SLX4IP: variants seen among roughly 807,000 people sequenced by gnomAD.
SLX4IP encodes the protein SLX4 interacting protein.
A neutral mutation model predicts 32.9 loss-of-function variants in SLX4IP; 34 were observed. The ratio of observed to expected loss-of-function variants is 1.03; its 90% confidence interval spans 0.79 to 1.38. The LOEUF (loss-of-function observed/expected upper bound fraction) is 1.38, where lower values mean the gene tolerates loss of function less well. Among genes scored for constraint, SLX4IP ranks in the 40% most tolerant of loss-of-function variants. The pLI, the probability that SLX4IP is intolerant of heterozygous loss-of-function variation, is 0.00. For synonymous variants in SLX4IP, 172 were observed against 171.7 expected, an observed-to-expected ratio of 1.00 and a Z score of -0.01; for missense variants, 444 against 479.0, an observed-to-expected ratio of 0.93 and a Z score of 0.68.
rs975383668 is a variant in SLX4IP at position 10,627,128 on chromosome 20, C to T, written c.*3749C>T. On this transcript the variant is annotated 3_prime_UTR_variant, in exon 8 of 8. Coordinates refer to ENST00000334534, the MANE Select transcript of SLX4IP (RefSeq NM_001009608.3). ...GACCTTACTGTAATATTACACAAAA[C>T]TGTAATGAGTGGCCCTCCTTTGGAG... is the stretch of plus-strand genomic sequence containing the variant. 1 of 152,206 alleles carries T rather than the reference C, an allele frequency of 6.6e-6. No homozygotes were observed. Among genetic ancestry groups the T allele is most frequent in the African/African-American group, 2.4e-5 (1 of 41,450 alleles). The allele number at this position is 152,206 out of a possible 1,614,324, so 9.4% of individuals were successfully genotyped here.
chr20:10,614,009 AC>A, intron 6 of SLX4IP: 1 of 1,307,044 alleles, frequency 7.7e-7, no homozygotes, highest in East Asian at 2.3e-5. Flanking sequence ...GTTCTCTGTC[AC>A]CGAGAATGGA....
At chr20:10,529,682 C>T (rs868291505) in intron 2 of SLX4IP, among the ~76,000 whole-genome samples, 1 of 149,230 alleles carries the variant, frequency 6.7e-6, no homozygotes, top group East Asian at 2.0e-4. Flanking sequence ...AATTCCATAT[C>T]TCTAAGAAAG....
chr20:10,458,275 T>C, intron 2 of SLX4IP, 44 bp downstream of exon 2: 1 of 1,514,292 alleles, frequency 6.6e-7, no homozygotes, highest in South Asian at 1.2e-5. Flanking sequence ...CTAATCACTT[T>C]CTAATATAAC....
chr20:10,514,408 C>A (rs1436286694), intron 2 of SLX4IP, among the ~76,000 whole-genome samples: 1 of 152,174 alleles, frequency 6.6e-6, no homozygotes, highest in Non-Finnish European at 1.5e-5. Context: ...TGGCTAAATT[C>A]TTTCCTCTTG....
chr20:10,516,305 A>G (rs569993896), intron 2 of SLX4IP, among the ~76,000 whole-genome samples: 7 of 152,326 alleles, frequency 4.6e-5, no homozygotes, highest in South Asian at 4.1e-4. Context: ...CTTTGAGGAA[A>G]GGTTTAGTTT....
intron 2 of SLX4IP, among the ~76,000 whole-genome samples, chr20:10,531,229 G>A (rs1046851560): frequency 6.6e-6 from 1 of 152,174 alleles, no homozygotes; most frequent in Non-Finnish European, 1.5e-5. Flanking sequence ...CCTACCTGCC[G>A]TGACTTGACA....
chr20:10,490,645 G>C (rs2065614685), intron 2 of SLX4IP, among the ~76,000 whole-genome samples: 1 of 152,126 alleles, frequency 6.6e-6, no homozygotes, highest in African/African-American at 2.4e-5. Flanking sequence ...AAAGAATGGA[G>C]AGACTTGAAA....
chr20:10,574,861 C>T (rs1337938246), intron 4 of SLX4IP, among the ~76,000 whole-genome samples: 6 of 151,960 alleles, frequency 3.9e-5, no homozygotes, highest in Non-Finnish European at 5.9e-5. Flanking sequence ...TTAGTAGAGA[C>T]GGGGTTTCTC....
rs114420921 is a variant in SLX4IP at position 10,465,769 on chromosome 20, G to A, written c.27+7538G>A. 5.4e-3 allele frequency among the ~76,000 whole-genome samples: 826 copies of A among 152,374 alleles called. 4 individuals are homozygous for A. The highest frequency in any genetic ancestry group is 0.018 in the African/African-American group (756 of 41,582). Reference sequence around the variant, plus strand: ...GATCCGCCTGCCTCTGCATTCCAAAGTGATGGGATTATAGGCGTGAGCCAC... The same window carrying A: ...GATCCGCCTGCCTCTGCATTCCAAAATGATGGGATTATAGGCGTGAGCCAC... On this transcript the variant is annotated intron_variant, in intron 2 of 7. Transcript: ENST00000334534.
chr20:10,453,691 C>G (rs79986990), intron 1 of SLX4IP, among the ~76,000 whole-genome samples: 1 of 152,016 alleles, frequency 6.6e-6, no homozygotes, highest in African/African-American at 2.4e-5. Context: ...AATTCTGACT[C>G]CTGATCCTTT....
In SLX4IP at chr20:10,473,281, T is replaced by C. The variant is rs116720333; in HGVS notation, c.27+15050T>C. 7.2e-3 allele frequency among the ~76,000 whole-genome samples: 1,096 copies of C among 152,274 alleles called. 14 individuals carry two copies. The highest frequency in any genetic ancestry group is 0.024 in the African/African-American group (1,011 of 41,556). On this transcript the variant is annotated intron_variant, in intron 2 of 7. Coordinates refer to ENST00000334534, the MANE Select transcript of SLX4IP (RefSeq NM_001009608.3). ...CACTGGGGTCAGAAAGCTCAGCAAC[T>C]AAGGGCAGTAGGAGAAAAGAAAATC... is the stretch of plus-strand genomic sequence containing the variant.
intron 2 of SLX4IP, among the ~76,000 whole-genome samples, chr20:10,477,567 G>A (rs2065486479): frequency 6.6e-6 from 1 of 151,688 alleles, no homozygotes; most frequent in Admixed American, 6.6e-5. Flanking sequence ...GTGCCCGGCC[G>A]AAGGGAATTC....
intron 4 of SLX4IP, among the ~76,000 whole-genome samples, chr20:10,580,205 T>C (rs2066568236): frequency 2.0e-5 from 3 of 152,184 alleles, no homozygotes; most frequent in Admixed American, 1.3e-4. Flanking sequence ...GTTCTAAAGT[T>C]GAGGCCAGGT....
At chr20:10,606,509 C>T (rs368354943) in intron 6 of SLX4IP, among the ~76,000 whole-genome samples, 6 of 152,196 alleles carry the variant, frequency 3.9e-5, no homozygotes, top group East Asian at 3.9e-4. Flanking sequence ...TGGTGAATTG[C>T]GTGGAAGATA....
At chr20:10,489,476 G>C (rs944556256) in intron 2 of SLX4IP, among the ~76,000 whole-genome samples, 3 of 151,586 alleles carry the variant, frequency 2.0e-5, no homozygotes, top group African/African-American at 7.3e-5. Flanking sequence ...TTTTTAATGG[G>C]CCTTAAACTT....
chr20:10,567,287 G>T (rs1191594692), intron 4 of SLX4IP, among the ~76,000 whole-genome samples: 1 of 152,184 alleles, frequency 6.6e-6, no homozygotes, highest in Non-Finnish European at 1.5e-5. Context: ...TCACACATTG[G>T]AAATGGTCCC....
In SLX4IP at chr20:10,608,492, C is replaced by G. The variant is rs190126648; in HGVS notation, c.405+6673C>G. 2.9e-4 allele frequency among the ~76,000 whole-genome samples: 44 copies of G among 151,666 alleles called. No homozygotes were observed. The East Asian group carries it at 8.2e-3, about 28-fold the overall frequency. On this transcript the variant is annotated intron_variant, in intron 6 of 7. Coordinates refer to ENST00000334534, the MANE Select transcript of SLX4IP (RefSeq NM_001009608.3). ...CATCCTGGCTAACACAGTGAAACACCATCTCTACTAAAAATACAGGAAAAA... is the reference window on the plus strand; with the variant it reads ...CATCCTGGCTAACACAGTGAAACACGATCTCTACTAAAAATACAGGAAAAA...
intron 2 of SLX4IP, among the ~76,000 whole-genome samples, chr20:10,550,383 G>A (rs2066205401): frequency 6.6e-6 from 1 of 152,148 alleles, no homozygotes; most frequent in South Asian, 2.1e-4. Flanking sequence ...CAGTGGGCGT[G>A]GTAGAAACGG....
Position 10,580,250 on chromosome 20 carries a change from T to C in SLX4IP, c.239-18425T>C, listed in dbSNP as rs1286284317. On this transcript the variant is annotated intron_variant, in intron 4 of 7. Coordinates refer to ENST00000334534, the MANE Select transcript of SLX4IP (RefSeq NM_001009608.3). ...ACCTCCTTTGTTCACCCTTCCAGGC[T>C]TGTCCCCCATCTCTCTCTATTATTC... is the stretch of plus-strand genomic sequence containing the variant. 2.6e-5 allele frequency among the ~76,000 whole-genome samples: 4 copies of C among 152,138 alleles called. No individual in the cohort carries two copies. In the East Asian group the frequency reaches 7.7e-4, roughly 29 times the overall value.
Sources: gnomAD v4.1 joint callset for allele counts (sites outside exome capture counted in the v4.1 genomes callset) on GRCh38, gnomAD v4.1.1 for gene constraint, MANE v1.5 for transcripts, NCBI Gene and HGNC (gene_info 2026-07-23, HGNC 2026-07-21) for gene names.